Variants in MYO1H observed in about 807,000 individuals in gnomAD.
The protein encoded by MYO1H is myosin IH.
A neutral mutation model predicts 149.3 loss-of-function variants in MYO1H; 118 were observed. The observed-to-expected ratio is 0.79, with a 90% CI of 0.68 to 0.92. The LOEUF (loss-of-function observed/expected upper bound fraction) is 0.92, where lower values mean the gene tolerates loss of function less well. Among genes scored for constraint, MYO1H ranks in the 40% least tolerant of loss-of-function variants. The pLI is 0.00. For synonymous variants in MYO1H, 447 were observed against 465.2 expected, an observed-to-expected ratio of 0.96 and a Z score of 0.50; for missense variants, 1,212 against 1,280.7, an observed-to-expected ratio of 0.95 and a Z score of 0.82.
At chr12:109,443,357 C>CGTATATATGTGTGT (rs1872322810) in intron 27 of MYO1H, among the ~76,000 whole-genome samples, 157 bp from the exon 28 acceptor site, 5 of 19,278 alleles carry the variant, frequency 2.6e-4, no homozygotes, top group South Asian at 8.4e-4. Flanking sequence ...TGTGTATATA[C>CGTATATATGTGTGT]ACACACACAC....
the MYO1H span, among the ~76,000 whole-genome samples, chr12:109,340,268 C>T: frequency 2.2e-3 from 328 of 152,286 alleles, 2 homozygotes; most frequent in African/African-American, 7.2e-3. Flanking sequence ...GCAACCTCTG[C>T]AATCCCGGTT....
chr12:109,421,049 A>C, intron 16 of MYO1H, 22 bp downstream of exon 16: 1 of 1,472,676 alleles, frequency 6.8e-7, no homozygotes, highest in Non-Finnish European at 9.4e-7. Flanking sequence ...ACTTAACTGT[A>C]TGTGTTTCTG....
At chr12:109,359,523 T>C (rs1466294867) in intron 1 of MYO1H, 1 of 152,148 alleles carries the variant, frequency 6.6e-6, no homozygotes, top group Non-Finnish European at 1.5e-5. Flanking sequence ...CCCCACCTCC[T>C]TGGAGTTTCT....
the MYO1H span, among the ~76,000 whole-genome samples, chr12:109,321,176 C>CA: frequency 6.6e-6 from 1 of 152,322 alleles, no homozygotes; most frequent in African/African-American, 2.4e-5. Flanking sequence ...AAGAATACCA[C>CA]ACACAATAGA....
chr12:109,415,906 CATTTTATTTTATTTT>C lies in MYO1H; in HGVS notation c.1597+321_1597+335del, dbSNP rs78343064. Among the ~76,000 whole-genome samples the C allele has an allele frequency of 6.4e-3, 930 of 144,566 alleles. 3 individuals carry two copies. Among genetic ancestry groups the C allele is most frequent in the African/African-American group, 0.013 (489 of 38,668 alleles). The allele number at this position is 144,566 out of a possible 152,430, so 94.8% of individuals were successfully genotyped here. On this transcript the variant is annotated intron_variant, in intron 15 of 31. Transcript: ENST00000310903. ...GAGTTGTGAAAACATTACCACCATT[CATTTTATTTTATTTT>C]ATTTTATTTTATTTTATTTTATTTT... is the stretch of plus-strand genomic sequence containing the variant.
the MYO1H span, among the ~76,000 whole-genome samples, chr12:109,312,786 TTTTG>T: frequency 3.3e-5 from 3 of 92,076 alleles, no homozygotes; most frequent in Admixed American, 2.2e-4. Flanking sequence ...TTTTGTTTTG[TTTTG>T]TTTTTTTTTT....
At chr12:109,440,766 T>C (rs1872083272) in exon 25 of MYO1H, 4 of 1,562,962 alleles carry the variant, frequency 2.6e-6, no homozygotes, top group Non-Finnish European at 3.5e-6. Context: ...CTCAGGAAAA[T>C]GTGCGTGAGG....
chr12:109,375,538 TC>T (rs1333156010), intron 1 of MYO1H, among the ~76,000 whole-genome samples: 2 of 152,234 alleles, frequency 1.3e-5, no homozygotes, highest in Admixed American at 6.5e-5. Context: ...CATTTCTAGA[TC>T]CTTTTTATGT....
At chr12:109,329,458 A>G in the MYO1H span, among the ~76,000 whole-genome samples, 1 of 152,136 alleles carries the variant, frequency 6.6e-6, no homozygotes, top group Non-Finnish European at 1.5e-5. Flanking sequence ...GAGGGAGAGA[A>G]TCTTTCCAAG....
chr12:109,447,387 G>A, exon 32 of MYO1H: 1 of 614,214 alleles, frequency 1.6e-6, no homozygotes, highest in South Asian at 1.9e-5. Flanking sequence ...TATTTAAAAT[G>A]TCACCTTCTG....
the MYO1H span, among the ~76,000 whole-genome samples, chr12:109,322,819 C>CAA: frequency 1.3e-3 from 97 of 76,826 alleles, no homozygotes; most frequent in South Asian, 3.4e-3. Flanking sequence ...GACTCCGTCT[C>CAA]AAAAAAAAAA....
chr12:109,353,261 G>C (rs1868501981), intron 1 of MYO1H, among the ~76,000 whole-genome samples: 1 of 152,010 alleles, frequency 6.6e-6, no homozygotes. Context: ...GGGTATGGTG[G>C]TACACACCTG....
the MYO1H span, among the ~76,000 whole-genome samples, chr12:109,327,444 T>C: frequency 1.3e-5 from 2 of 151,698 alleles, no homozygotes; most frequent in Admixed American, 1.3e-4. Flanking sequence ...TCTGTAGTTA[T>C]TTTAAAAAGG....
intron 1 of MYO1H, among the ~76,000 whole-genome samples, chr12:109,360,115 TTC>T (rs956462620): frequency 7.3e-5 from 10 of 137,814 alleles, no homozygotes; most frequent in African/African-American, 2.0e-4. Context: ...TTTTTCTTCT[TTC>T]TTTTTTTTTT....
At chr12:109,431,165 G>C (rs187204727) in intron 19 of MYO1H, among the ~76,000 whole-genome samples, 5 of 152,126 alleles carry the variant, frequency 3.3e-5, no homozygotes, top group Non-Finnish European at 7.4e-5. Flanking sequence ...GGATCACGAG[G>C]CCAGGAGATC....
chr12:109,353,379 G>C (rs151105280), intron 1 of MYO1H, among the ~76,000 whole-genome samples: 1 of 101,190 alleles, frequency 9.9e-6, no homozygotes, highest in Admixed American at 1.0e-4. Context: ...GGGTGACAGA[G>C]CGAGACTCCG....
At chr12:109,410,179 T>C in intron 12 of MYO1H, 111 bp downstream of exon 12, 1 of 541,404 alleles carries the variant, frequency 1.8e-6, no homozygotes, top group South Asian at 5.0e-5. Flanking sequence ...TCTCACTCTG[T>C]CGCCCAGGCT....
intron 1 of MYO1H, among the ~76,000 whole-genome samples, chr12:109,388,354 C>A (rs777244172): frequency 6.6e-6 from 1 of 152,168 alleles, no homozygotes; most frequent in Non-Finnish European, 1.5e-5. Context: ...TTATGACATT[C>A]CTATGCCTCA....
intron 1 of MYO1H, among the ~76,000 whole-genome samples, chr12:109,356,647 C>T (rs1868613195): frequency 6.6e-6 from 1 of 151,836 alleles, no homozygotes; most frequent in Non-Finnish European, 1.5e-5. Context: ...ATTTTTTTCC[C>T]CTCCACCTCT....
Sources: gnomAD v4.1 joint callset for allele counts (sites outside exome capture counted in the v4.1 genomes callset) on GRCh38, gnomAD v4.1.1 for gene constraint, MANE v1.5 for transcripts, NCBI Gene and HGNC (gene_info 2026-07-23, HGNC 2026-07-21) for gene names.